Variants in SPIDR observed in about 807,000 individuals in gnomAD.
SPIDR encodes the protein scaffold protein involved in DNA repair.
A neutral mutation model predicts 104.6 loss-of-function variants in SPIDR; 93 were observed. The ratio of observed to expected loss-of-function variants is 0.89; its 90% confidence interval spans 0.75 to 1.06. The LOEUF is 1.06. SPIDR is among the 50% of genes least tolerant of loss of function. SPIDR has a pLI of 0.00. For synonymous variants in SPIDR, 431 were observed against 416.9 expected, an observed-to-expected ratio of 1.03 and a Z score of -0.41; for missense variants, 1,154 against 1,111.2, an observed-to-expected ratio of 1.04 and a Z score of -0.55.
rs544650929 is a variant in SPIDR, at chr8:47,459,034, G to A, written c.1097+18492G>A. ...GATTGTCTTTTTGATAGTTGGATGC[G>A]GTTAGCTAGTATTTTGTTAAGGGTT... On this transcript the variant is annotated intron_variant, in intron 8 of 19. Coordinates refer to ENST00000297423, the MANE Select transcript of SPIDR (RefSeq NM_001080394.4). Among the ~76,000 whole-genome samples the A allele has an allele frequency of 2.6e-5, 4 of 152,100 alleles. No individual in the cohort carries two copies. The South Asian group carries it at 6.2e-4, about 24-fold the overall frequency.
intron 7 of SPIDR, among the ~76,000 whole-genome samples, chr8:47,424,577 C>G (rs2066116781): frequency 6.6e-6 from 1 of 152,190 alleles, no homozygotes; most frequent in African/African-American, 2.4e-5. Context: ...CTCAGTCTCC[C>G]AATGAATTGG....
intron 8 of SPIDR, among the ~76,000 whole-genome samples, chr8:47,544,853 T>G (rs1488515293): frequency 6.6e-6 from 1 of 152,216 alleles, no homozygotes; most frequent in Non-Finnish European, 1.5e-5. Context: ...CAAAAAAATC[T>G]TCTGGAACTT....
At chr8:47,661,502 G>T (rs2074100419) in intron 10 of SPIDR, among the ~76,000 whole-genome samples, 1 of 152,206 alleles carries the variant, frequency 6.6e-6, no homozygotes, top group Non-Finnish European at 1.5e-5. Context: ...GTACTCAACT[G>T]CTTCCCAAAG....
At chr8:47,339,243 G>A (rs1022384858) in intron 5 of SPIDR, among the ~76,000 whole-genome samples, 1 of 152,148 alleles carries the variant, frequency 6.6e-6, no homozygotes, top group Non-Finnish European at 1.5e-5. Flanking sequence ...AATGTTCTAG[G>A]TTGTGCTTTG....
At chr8:47,387,600 G>C (rs1293366683) in intron 5 of SPIDR, among the ~76,000 whole-genome samples, 2 of 152,170 alleles carry the variant, frequency 1.3e-5, no homozygotes, top group Non-Finnish European at 2.9e-5. Context: ...TGATACTGAG[G>C]CAAACAACTG....
Position 47,698,645 on chromosome 8 carries a change from A to T in SPIDR, c.1686-1758A>T, listed in dbSNP as rs192033833. ...ATAAAAGTCATTAAATTCAAATAGA[A>T]CTTTCCTATGGCTGTGTGCTTCTAG... On this transcript the variant is annotated intron_variant, in intron 11 of 19. Coordinates refer to ENST00000297423, the MANE Select transcript of SPIDR (RefSeq NM_001080394.4). 1.4e-4 allele frequency among the ~76,000 whole-genome samples: 21 copies of T among 152,300 alleles called. No homozygotes were observed. The East Asian group carries it at 4.1e-3, about 29-fold the overall frequency.
chr8:47,505,442 G>A (rs990433096), intron 8 of SPIDR, among the ~76,000 whole-genome samples: 9 of 152,186 alleles, frequency 5.9e-5, no homozygotes, highest in Non-Finnish European at 1.3e-4. Flanking sequence ...AGCCATGTGC[G>A]GGATATAATC....
chr8:47,710,647 T>C (rs2081735005), intron 14 of SPIDR, among the ~76,000 whole-genome samples: 1 of 152,140 alleles, frequency 6.6e-6, no homozygotes, highest in Admixed American at 6.5e-5. Flanking sequence ...TTTGTGCTTT[T>C]AGTAGAGATG....
intron 8 of SPIDR, among the ~76,000 whole-genome samples, chr8:47,456,742 T>A (rs1285911631): frequency 2.6e-5 from 4 of 152,094 alleles, no homozygotes; most frequent in African/African-American, 4.8e-5. Flanking sequence ...CAATTTGTAG[T>A]CTTTTCCTCA....
intron 5 of SPIDR, among the ~76,000 whole-genome samples, chr8:47,321,187 A>G (rs1554595071): frequency 1.3e-5 from 2 of 152,238 alleles, no homozygotes; most frequent in Non-Finnish European, 2.9e-5. Context: ...TTGTATATTT[A>G]TAAAACCCCA....
At chr8:47,504,600 G>A (rs1407917385) in intron 8 of SPIDR, among the ~76,000 whole-genome samples, 1 of 152,136 alleles carries the variant, frequency 6.6e-6, no homozygotes, top group Non-Finnish European at 1.5e-5. Context: ...TTAGCTCGGA[G>A]TAGTTTGATC....
intron 5 of SPIDR, 73 bp downstream of exon 5, chr8:47,294,103 T>G: frequency 1.5e-4 from 230 of 1,499,908 alleles, no homozygotes; most frequent in South Asian, 4.6e-4. Context: ...TTTTTTTTTT[T>G]GTTTTTTTTT....
chr8:47,511,396 A>G, intron 8 of SPIDR: 1 of 881,248 alleles, frequency 1.1e-6, no homozygotes, highest in Non-Finnish European at 2.0e-6. Flanking sequence ...GAAGGCTTTG[A>G]AGGCTTATTT....
At chr8:47,427,428 G>T (rs1461533596) in intron 7 of SPIDR, among the ~76,000 whole-genome samples, 2 of 151,852 alleles carry the variant, frequency 1.3e-5, no homozygotes, top group East Asian at 3.9e-4. Flanking sequence ...TTTTACTTAT[G>T]AAGTACTAAA....
intron 7 of SPIDR, among the ~76,000 whole-genome samples, chr8:47,415,871 T>G (rs2064185535): frequency 6.6e-6 from 1 of 152,220 alleles, no homozygotes; most frequent in Non-Finnish European, 1.5e-5. Context: ...ACCCCAAGGA[T>G]TCTCATGCCA....
chr8:47,277,071 GGCAT>G, intron 1 of SPIDR: 2 of 152,064 alleles, frequency 1.3e-5, no homozygotes, highest in Non-Finnish European at 2.9e-5. Context: ...TGGGATTACA[GGCAT>G]GCGCCACCAC....
chr8:47,726,973 C>G (rs942174235), intron 16 of SPIDR, among the ~76,000 whole-genome samples: 6 of 152,136 alleles, frequency 3.9e-5, no homozygotes, highest in African/African-American at 1.4e-4. Flanking sequence ...AAAAATACTT[C>G]AGTTAGGTGG....
rs140181214 is a variant in SPIDR, at chr8:47,508,303, G to A, written c.1097+67761G>A. ...TCCTGCTATTGGGATAGGAAAACAC[G>A]TACATGCAAACACATACCACTTTTG... On this transcript the variant is annotated intron_variant, in intron 8 of 19. Transcript: ENST00000297423. Among the ~76,000 whole-genome samples, 5 of 152,290 alleles carry A rather than the reference G, an allele frequency of 3.3e-5. No homozygotes were observed. The East Asian group carries it at 5.8e-4, about 18-fold the overall frequency.
At chr8:47,425,026 T>C (rs1261550211) in intron 7 of SPIDR, among the ~76,000 whole-genome samples, 8 of 152,228 alleles carry the variant, frequency 5.3e-5, no homozygotes, top group African/African-American at 1.9e-4. Flanking sequence ...TTAAGATCAC[T>C]TCCGTTAGCT....
Sources: allele counts gnomAD v4.1 joint callset (sites outside exome capture counted in the v4.1 genomes callset), GRCh38; gene constraint gnomAD v4.1.1; transcripts MANE v1.5; gene names NCBI Gene and HGNC (gene_info 2026-07-23, HGNC 2026-07-21).